The following BIRC6 variants were observed in gnomAD, a reference collection of about 807,000 sequenced individuals.
BIRC6 encodes the protein dual E2 ubiquitin-conjugating enzyme/E3 ubiquitin-protein ligase BIRC6.
Under a neutral mutation model 503.3 loss-of-function variants are expected in BIRC6, and 98 were observed. The ratio of observed to expected loss-of-function variants is 0.19; its 90% CI spans 0.17 to 0.23. BIRC6 has a LOEUF of 0.23. Ranked by LOEUF, BIRC6 falls within the 10% of genes least tolerant of loss-of-function variation. The pLI is 1.00. For synonymous variants in BIRC6, 2,240 were observed against 2,078.7 expected, an observed-to-expected ratio of 1.08 and a Z score of -2.11; for missense variants, 5,360 against 5,806.0, an observed-to-expected ratio of 0.92 and a Z score of 2.50.
At chr2:32,541,390 C>T (rs1028102936) in intron 61 of BIRC6, among the ~76,000 whole-genome samples, 1 of 152,018 alleles carries the variant, frequency 6.6e-6, no homozygotes, top group African/African-American at 2.4e-5. Context: ...TGTACAGATG[C>T]ATGTAGTGTA....
At chr2:32,489,358 C>T (rs1183231925) in intron 42 of BIRC6, among the ~76,000 whole-genome samples, 1 of 152,032 alleles carries the variant, frequency 6.6e-6, no homozygotes, top group Non-Finnish European at 1.5e-5. Flanking sequence ...CGCACAGATT[C>T]TACTTACATC....
intron 73 of BIRC6, among the ~76,000 whole-genome samples, chr2:32,617,041 G>C (rs948041423): frequency 2.0e-5 from 3 of 152,146 alleles, no homozygotes; most frequent in South Asian, 2.1e-4. Flanking sequence ...GGCTGCATGA[G>C]CTGTGATTGT....
intron 16 of BIRC6, among the ~76,000 whole-genome samples, chr2:32,440,334 TC>T (rs1166652711): frequency 1.3e-5 from 2 of 152,208 alleles, no homozygotes; most frequent in African/African-American, 4.8e-5. Context: ...CAACTCACAA[TC>T]TTGTTTTTGG....
At chr2:32,395,751 A>T (rs1177726512) in intron 6 of BIRC6, among the ~76,000 whole-genome samples, 158 bp downstream of exon 6, 3 of 152,230 alleles carry the variant, frequency 2.0e-5, no homozygotes, top group Non-Finnish European at 4.4e-5. Flanking sequence ...ATACTCTGGC[A>T]CACCACTTGG....
intron 61 of BIRC6, among the ~76,000 whole-genome samples, chr2:32,533,890 C>G (rs1283621912): frequency 6.6e-6 from 1 of 152,152 alleles, no homozygotes; most frequent in Non-Finnish European, 1.5e-5. Context: ...CTGTTCTGAG[C>G]CACTGAGTTT....
At chr2:32,450,877 T>C (rs758399846) in intron 22 of BIRC6, among the ~76,000 whole-genome samples, 1 of 152,228 alleles carries the variant, frequency 6.6e-6, no homozygotes, top group Non-Finnish European at 1.5e-5. Context: ...TTATACTGTA[T>C]TGTTTAGGGA....
intron 1 of BIRC6, among the ~76,000 whole-genome samples, chr2:32,374,003 G>A (rs756450737): frequency 1.4e-4 from 22 of 152,088 alleles, no homozygotes; most frequent in Non-Finnish European, 2.9e-4. Flanking sequence ...TAGAGTAGTC[G>A]AATTCATGAA....
rs539745874 is a variant in BIRC6, at chr2:32,370,086, C to A, written c.326-7502C>A. Among the ~76,000 whole-genome samples the A allele has an allele frequency of 2.0e-4, 30 of 147,896 alleles. No homozygotes were observed. In the East Asian group the frequency reaches 5.0e-3, roughly 24 times the overall value. ...TACACACACACACACACACACAGCACGCACGGGTGTGCCAAGTTCAGCATC... is the reference window on the plus strand; with the variant it reads ...TACACACACACACACACACACAGCAAGCACGGGTGTGCCAAGTTCAGCATC... On this transcript the variant is annotated intron_variant, in intron 1 of 73. Coordinates refer to ENST00000421745, the MANE Select transcript of BIRC6 (RefSeq NM_016252.4).
chr2:32,541,608 ACT>A (rs1200445674), intron 61 of BIRC6, among the ~76,000 whole-genome samples: 1 of 151,786 alleles, frequency 6.6e-6, no homozygotes, highest in African/African-American at 2.4e-5. Context: ...TAGTGAGATA[ACT>A]CTGTGATTAG....
At chr2:32,447,312 C>T (rs2046108779) in intron 21 of BIRC6, among the ~76,000 whole-genome samples, 8 of 149,036 alleles carry the variant, frequency 5.4e-5, no homozygotes, top group African/African-American at 7.4e-5. Flanking sequence ...GGGCTCCTCA[C>T]TTCCCAGTAG....
At chr2:32,375,164 T>C (rs569496357) in intron 1 of BIRC6, among the ~76,000 whole-genome samples, 2 of 152,206 alleles carry the variant, frequency 1.3e-5, no homozygotes, top group South Asian at 4.2e-4. Context: ...TATAGAAAAG[T>C]ATGATTGATT....
intron 61 of BIRC6, among the ~76,000 whole-genome samples, chr2:32,542,668 G>GTTTAAATAGTCTTA (rs1457830347): frequency 2.0e-5 from 3 of 152,150 alleles, no homozygotes; most frequent in African/African-American, 7.2e-5. Context: ...GAAATAAGAT[G>GTTTAAATAGTCTTA]TTTAAATAGT....
At chr2:32,612,786 C>T (rs541467975) in intron 73 of BIRC6, among the ~76,000 whole-genome samples, 4 of 152,254 alleles carry the variant, frequency 2.6e-5, no homozygotes, top group Admixed American at 6.5e-5. Flanking sequence ...CCCACTTCTG[C>T]ATATGTTTGA....
chr2:32,524,281 A>G (rs1428093175), intron 57 of BIRC6, among the ~76,000 whole-genome samples: 7 of 152,222 alleles, frequency 4.6e-5, no homozygotes, highest in Admixed American at 4.6e-4. Context: ...AAAACACATT[A>G]AATTTTAAAA....
intron 71 of BIRC6, 136 bp from the exon 72 acceptor site, chr2:32,607,319 C>T: frequency 1.7e-6 from 1 of 603,458 alleles, no homozygotes; most frequent in Non-Finnish European, 2.7e-6. Flanking sequence ...ATGTTATAAT[C>T]ATAAACATTG....
At chr2:32,430,114 C>T (rs2043933379) in intron 11 of BIRC6, among the ~76,000 whole-genome samples, 1 of 152,080 alleles carries the variant, frequency 6.6e-6, no homozygotes, top group African/African-American at 2.4e-5. Context: ...TTGAATTAAA[C>T]TTGTAATAAT....
chr2:32,460,653 G>A (rs1377251442), intron 23 of BIRC6, among the ~76,000 whole-genome samples: 3 of 151,602 alleles, frequency 2.0e-5, no homozygotes, highest in South Asian at 2.1e-4. Context: ...TTGAAAACTC[G>A]GATTGTGCAA....
At chr2:32,447,700 G>T (rs2046215654) in intron 21 of BIRC6, among the ~76,000 whole-genome samples, 2 of 103,574 alleles carry the variant, frequency 1.9e-5, no homozygotes, top group South Asian at 7.3e-4. Context: ...GCCGGGCGGG[G>T]GGCTGACCCC....
intron 68 of BIRC6, 89 bp from the exon 69 acceptor site, chr2:32,597,661 GA>G: frequency 1.1e-6 from 1 of 899,460 alleles, no homozygotes; most frequent in South Asian, 1.6e-5. Flanking sequence ...CTCTCCAGTT[GA>G]GTGGGAGAAG....
Sources: gnomAD v4.1 joint callset for allele counts (sites outside exome capture counted in the v4.1 genomes callset) on GRCh38, gnomAD v4.1.1 for gene constraint, MANE v1.5 for transcripts, NCBI Gene and HGNC (gene_info 2026-07-23, HGNC 2026-07-21) for gene names.